The following EPB41L3 variants were observed in gnomAD, a reference collection of about 807,000 sequenced individuals.
EPB41L3 encodes the protein band 4.1-like protein 3.
A neutral mutation model predicts 127.1 loss-of-function variants in EPB41L3; 57 were observed. The observed-to-expected ratio is 0.45, with a 90% CI of 0.36 to 0.56. The LOEUF (loss-of-function observed/expected upper bound fraction) is 0.56, where lower values mean the gene tolerates loss of function less well. Among genes scored for constraint, EPB41L3 ranks in the 20% least tolerant of loss-of-function variants. The pLI is 0.00. For missense variants in EPB41L3, 1,273 were observed against 1,372.2 expected (o/e 0.93, Z 1.14); for synonymous variants, 572 against 549.5 (o/e 1.04, Z -0.57).
At chr18:5,554,964 G>A (rs1225272433) in intron 3 of EPB41L3, among the ~76,000 whole-genome samples, 1 of 152,188 alleles carries the variant, frequency 6.6e-6, no homozygotes, top group Non-Finnish European at 1.5e-5. Context: ...TGTTGGAAGA[G>A]AAGACGTCGC....
At chr18:5,402,844 G>C (rs2143459702) in intron 16 of EPB41L3, among the ~76,000 whole-genome samples, 1 of 152,202 alleles carries the variant, frequency 6.6e-6, no homozygotes, top group African/African-American at 2.4e-5. Flanking sequence ...TTTCCTGTTG[G>C]GTGATTAAAG....
intron 1 of EPB41L3, among the ~76,000 whole-genome samples, chr18:5,526,173 A>G (rs1057494276): frequency 6.6e-5 from 10 of 152,246 alleles, no homozygotes; most frequent in Non-Finnish European, 1.0e-4. Context: ...CTAAAGAGTA[A>G]TAACATCCAA....
chr18:5,409,651 T>TA (rs1178178834), intron 14 of EPB41L3, among the ~76,000 whole-genome samples: 5 of 151,768 alleles, frequency 3.3e-5, no homozygotes, highest in African/African-American at 1.2e-4. Context: ...AGATACCACT[T>TA]ACAATATTTT....
chr18:5,596,964 T>C (rs1233157623), intron 3 of EPB41L3, among the ~76,000 whole-genome samples: 1 of 152,112 alleles, frequency 6.6e-6, no homozygotes, highest in South Asian at 2.1e-4. Context: ...AAAAGCATAG[T>C]CTATCCCAGC....
intron 18 of EPB41L3, 117 bp from the exon 19 acceptor site, chr18:5,396,449 TAG>T (rs1234044594): frequency 1.4e-5 from 17 of 1,221,016 alleles, no homozygotes; most frequent in Non-Finnish European, 4.6e-6. Flanking sequence ...AATGTTTATG[TAG>T]AGAGTAAGCT....
At chr18:5,626,252 T>C (rs1210496287) in intron 1 of EPB41L3, among the ~76,000 whole-genome samples, 3 of 152,172 alleles carry the variant, frequency 2.0e-5, no homozygotes, top group African/African-American at 7.2e-5. Context: ...TCACAAGACA[T>C]CATCGTGACA....
chr18:5,625,584 A>G (rs2094914549), intron 1 of EPB41L3, among the ~76,000 whole-genome samples: 1 of 152,216 alleles, frequency 6.6e-6, no homozygotes, highest in Admixed American at 6.5e-5. Flanking sequence ...TGCCAGTTTC[A>G]AATGTGAGAC....
chr18:5,533,902 C>T (rs1455829089), intron 1 of EPB41L3, among the ~76,000 whole-genome samples: 1 of 152,190 alleles, frequency 6.6e-6, no homozygotes, highest in Non-Finnish European at 1.5e-5. Context: ...CCGTGGCTGA[C>T]GCCTGTAATC....
At chr18:5,469,119 A>T (rs78056117) in intron 3 of EPB41L3, among the ~76,000 whole-genome samples, 6,497 of 152,258 alleles carry the variant, frequency 0.043, 307 homozygotes, top group East Asian at 0.25. Flanking sequence ...GCTGAAAAGC[A>T]TAACTGAAAA....
chr18:5,627,707 C>T (rs2094937154), intron 1 of EPB41L3, among the ~76,000 whole-genome samples: 2 of 152,090 alleles, frequency 1.3e-5, no homozygotes, highest in South Asian at 4.1e-4. Flanking sequence ...CTACTAAATG[C>T]CAGACTCTGG....
intron 1 of EPB41L3, among the ~76,000 whole-genome samples, chr18:5,620,747 A>G (rs2094851487): frequency 6.6e-6 from 1 of 152,150 alleles, no homozygotes; most frequent in South Asian, 2.1e-4. Context: ...ATATCTAACT[A>G]TTAGAGAAAA....
At chr18:5,396,134 T>C in intron 19 of EPB41L3, 67 bp downstream of exon 19, 1 of 1,587,716 alleles carries the variant, frequency 6.3e-7, no homozygotes, top group Non-Finnish European at 8.6e-7. Flanking sequence ...CAGTTCTATG[T>C]AAACACACTA....
intron 3 of EPB41L3, among the ~76,000 whole-genome samples, chr18:5,470,017 A>T (rs1599387440): frequency 2.0e-5 from 3 of 152,082 alleles, no homozygotes; most frequent in African/African-American, 7.2e-5. Context: ...TGACCTCGTG[A>T]TCTACCCGCC....
chr18:5,500,180 T>TC (rs1374542594), intron 1 of EPB41L3, among the ~76,000 whole-genome samples: 1 of 152,182 alleles, frequency 6.6e-6, no homozygotes, highest in Non-Finnish European at 1.5e-5. Context: ...GTTTAAAATT[T>TC]CCAAGCATTC....
chr18:5,424,638 G>T (rs976418226), intron 9 of EPB41L3, among the ~76,000 whole-genome samples: 3 of 152,044 alleles, frequency 2.0e-5, no homozygotes, highest in African/African-American at 7.2e-5. Context: ...ACACGAAAAG[G>T]GGTTTTTTTG....
At chr18:5,617,786 A>G (rs918846124) in intron 1 of EPB41L3, among the ~76,000 whole-genome samples, 1 of 152,212 alleles carries the variant, frequency 6.6e-6, no homozygotes, top group African/African-American at 2.4e-5. Flanking sequence ...AATTTGGAGC[A>G]AGGAGTATAT....
rs113572316 is a variant in EPB41L3, at chr18:5,604,254, C to CCT, written c.-306+8085_-306+8086insAG. Among the ~76,000 whole-genome samples the CCT allele has an allele frequency of 3.9e-4, 58 of 148,244 alleles. 1 individual carries two copies. In the East Asian group the frequency reaches 9.6e-3, roughly 25 times the overall value. Reference sequence around the variant, plus strand: ...AAATCTCCTTGGTATTTGACTTACTCTTTTTTTTTTAATGATCCCATAGCA... The same window carrying CCT: ...AAATCTCCTTGGTATTTGACTTACTCCTTTTTTTTTTTAATGATCCCATAGCA... On this transcript the variant is annotated intron_variant, in intron 3 of 21. Coordinates refer to the EPB41L3 transcript ENST00000545076.
At chr18:5,433,314 T>C (rs2079252822) in intron 8 of EPB41L3, among the ~76,000 whole-genome samples, 155 bp downstream of exon 8, 1 of 152,188 alleles carries the variant, frequency 6.6e-6, no homozygotes, top group African/African-American at 2.4e-5. Context: ...CTACATTTGT[T>C]GTATCGTGGA....
At chr18:5,617,643 A>T (rs1322185834) in intron 1 of EPB41L3, among the ~76,000 whole-genome samples, 1 of 152,226 alleles carries the variant, frequency 6.6e-6, no homozygotes, top group African/African-American at 2.4e-5. Flanking sequence ...TTTAAACGCA[A>T]ATAACAAGGA....
Sources: allele counts gnomAD v4.1 joint callset (sites outside exome capture counted in the v4.1 genomes callset), GRCh38; gene constraint gnomAD v4.1.1; transcripts MANE v1.5; gene names NCBI Gene and HGNC (gene_info 2026-07-23, HGNC 2026-07-21).